BCAS3: variants seen among roughly 807,000 people sequenced by gnomAD.
BCAS3 encodes BCAS4/BCAS3 fusion.
BCAS3 carries 53 observed loss-of-function variants against 116.1 expected under a neutral mutation model. That is an observed-to-expected ratio of 0.46 (90% confidence interval 0.37 to 0.57). The LOEUF (loss-of-function observed/expected upper bound fraction) is 0.57. Among genes scored for constraint, BCAS3 ranks in the 20% least tolerant of loss-of-function variants. The probability of loss-of-function intolerance (pLI) is 0.00; values close to 1 mark genes in which losing one functional copy is unlikely to be tolerated. For missense variants in BCAS3, 917 were observed against 1,165.4 expected (o/e 0.79, Z 3.10); for synonymous variants, 391 against 408.2 (o/e 0.96, Z 0.51).
Position 61,080,662 on chromosome 17 carries a change from C to T in BCAS3, c.2327+2133C>T, listed in dbSNP as rs950626550. Among the ~76,000 whole-genome samples, 10 of 151,960 alleles carry T rather than the reference C, an allele frequency of 6.6e-5. 1 individual carries two copies. Among genetic ancestry groups the T allele is most frequent in the Admixed American group, 1.3e-4 (2 of 15,250 alleles). On this transcript the variant is annotated intron_variant, in intron 21 of 23. Coordinates refer to ENST00000407086, the MANE Select transcript of BCAS3 (RefSeq NM_017679.5). ...GTGATCCCAGCTACTCGGGAGGCTG[C>T]GGCAGGAGAATTGCTTGAACACAGG...
chr17:61,216,516 G>GTTTATTTTATTTTAT (rs3032587), intron 22 of BCAS3, among the ~76,000 whole-genome samples: 3,246 of 145,394 alleles, frequency 0.022, 47 homozygotes, highest in Middle Eastern at 0.076. Context: ...ATAAGTATGT[G>GTTTATTTTATTTTAT]TTTATTTTAT....
chr17:61,236,380 T>C (rs1235145314), intron 22 of BCAS3, among the ~76,000 whole-genome samples: 2 of 152,174 alleles, frequency 1.3e-5, no homozygotes, highest in Non-Finnish European at 2.9e-5. Flanking sequence ...AGTGCAGCGG[T>C]GTGATCTCAG....
intron 3 of BCAS3, among the ~76,000 whole-genome samples, chr17:60,687,216 AAG>A (rs1236860650): frequency 6.6e-6 from 1 of 152,198 alleles, no homozygotes; most frequent in Non-Finnish European, 1.5e-5. Flanking sequence ...GACTTTAAAT[AAG>A]AGGGCTAAAT....
intron 22 of BCAS3, among the ~76,000 whole-genome samples, chr17:61,297,751 G>A (rs1344698267): frequency 6.6e-6 from 1 of 152,112 alleles, no homozygotes; most frequent in African/African-American, 2.4e-5. Context: ...GAAAAGTACA[G>A]GTGTTCGTGT....
rs530083900 is a variant in BCAS3, at chr17:61,291,001, C to T, written c.2426-77326C>T. Reference sequence around the variant, plus strand: ...TTCACCATGTTAGCCAGGATGATCTCGATCTCCTGACCTCATAATCCACCC... The same window carrying T: ...TTCACCATGTTAGCCAGGATGATCTTGATCTCCTGACCTCATAATCCACCC... On this transcript the variant is annotated intron_variant, in intron 22 of 23. Transcript: ENST00000407086. 7.9e-5 allele frequency among the ~76,000 whole-genome samples: 12 copies of T among 152,140 alleles called. No homozygotes were observed. In the South Asian group the frequency reaches 1.5e-3, roughly 18 times the overall value.
chr17:60,983,015 T>C (rs2062906750), intron 14 of BCAS3, among the ~76,000 whole-genome samples: 1 of 152,152 alleles, frequency 6.6e-6, no homozygotes, highest in Non-Finnish European at 1.5e-5. Context: ...AAATATTGAC[T>C]AGTGAGTGTC....
At chr17:60,687,847 TA>T (rs2034290194) in intron 3 of BCAS3, among the ~76,000 whole-genome samples, 1 of 151,956 alleles carries the variant, frequency 6.6e-6, no homozygotes. Context: ...AAATTCTGAG[TA>T]AAAAACACCA....
At chr17:61,252,503 A>G (rs1324826471) in intron 22 of BCAS3, among the ~76,000 whole-genome samples, 4 of 151,718 alleles carry the variant, frequency 2.6e-5, no homozygotes, top group Non-Finnish European at 5.9e-5. Context: ...CACATAACCC[A>G]GGGCTCCAGA....
Position 61,309,703 on chromosome 17 carries a change from G to A in BCAS3, c.2426-58624G>A, listed in dbSNP as rs186950427. 1.3e-5 allele frequency among the ~76,000 whole-genome samples: 2 copies of A among 152,306 alleles called. No homozygotes were observed. The highest frequency in any genetic ancestry group is 3.9e-4 in the East Asian group (2 of 5,180). On this transcript the variant is annotated intron_variant, in intron 22 of 23. Coordinates refer to ENST00000407086, the MANE Select transcript of BCAS3 (RefSeq NM_017679.5). This position sits in a 1 kb window ranked among gnomAD's most constrained non-coding sequence, Gnocchi z 4.6. ...GAGCAAAGCCTGGAACTGGAGAGAT[G>A]ACCCAGGGTCTTTGGGATTGCGGAA... is the stretch of plus-strand genomic sequence containing the variant.
chr17:61,338,327 A>C (rs188080073), intron 22 of BCAS3, among the ~76,000 whole-genome samples: 334 of 152,348 alleles, frequency 2.2e-3, no homozygotes, highest in African/African-American at 7.5e-3. Flanking sequence ...TACTATAATA[A>C]GCAAATTCAG....
intron 7 of BCAS3, among the ~76,000 whole-genome samples, chr17:60,824,611 A>G (rs1294791357): frequency 6.6e-6 from 1 of 152,220 alleles, no homozygotes; most frequent in Non-Finnish European, 1.5e-5. Flanking sequence ...TTCTGTCACC[A>G]ATAGATCCAT....
intron 19 of BCAS3, among the ~76,000 whole-genome samples, chr17:61,049,423 T>C (rs1441684737): frequency 6.6e-6 from 1 of 151,622 alleles, no homozygotes; most frequent in East Asian, 1.9e-4. Context: ...TTAAAAAGAG[T>C]ATCACTGAAC....
chr17:61,209,789 C>T (rs2081348580), intron 22 of BCAS3, among the ~76,000 whole-genome samples: 1 of 152,122 alleles, frequency 6.6e-6, no homozygotes, highest in African/African-American at 2.4e-5. Flanking sequence ...CATTTCCTGC[C>T]AGCATTTTAA....
chr17:61,321,582 G>T (rs556976559), intron 22 of BCAS3, among the ~76,000 whole-genome samples: 1 of 152,202 alleles, frequency 6.6e-6, no homozygotes, highest in Non-Finnish European at 1.5e-5. Flanking sequence ...CCTGCAGGCC[G>T]CCAGGCTGCT....
intron 7 of BCAS3, among the ~76,000 whole-genome samples, chr17:60,822,400 T>C (rs911902429): frequency 1.3e-5 from 2 of 152,204 alleles, no homozygotes; most frequent in Non-Finnish European, 2.9e-5. Flanking sequence ...CTCCCTGTTA[T>C]TTGGCCATTT....
chr17:60,996,769 C>A (rs1191441789), intron 15 of BCAS3, among the ~76,000 whole-genome samples: 4 of 152,082 alleles, frequency 2.6e-5, no homozygotes, highest in African/African-American at 9.7e-5. Flanking sequence ...CAGGACTGAG[C>A]CCTGGGGCCC....
At position 61,227,148 on chromosome 17, in the gene BCAS3, A is replaced by G. The variant is rs2082411943; in HGVS notation, c.2426-141179A>G. On this transcript the variant is annotated intron_variant, in intron 22 of 23. Transcript: ENST00000407086. The surrounding 1 kb of genome is among the most constrained non-coding windows in gnomAD (Gnocchi z 6.1). Reference sequence around the variant, plus strand: ...GCCAGAATGAACTGATTTTGGCTAGAGCCTTTTCTTGTCTAGGAATGGAGG... The same window carrying G: ...GCCAGAATGAACTGATTTTGGCTAGGGCCTTTTCTTGTCTAGGAATGGAGG... 6.6e-6 allele frequency among the ~76,000 whole-genome samples: 1 copy of G among 152,180 alleles called. No homozygotes were observed. The highest frequency in any genetic ancestry group is 6.5e-5 in the Admixed American group (1 of 15,270).
intron 4 of BCAS3, among the ~76,000 whole-genome samples, chr17:60,706,595 C>A (rs1020867007): frequency 1.3e-5 from 2 of 151,884 alleles, no homozygotes; most frequent in African/African-American, 2.4e-5. Context: ...AAGGCCGAGG[C>A]GGATGGATCT....
chr17:60,943,767 C>G (rs1029021068), intron 13 of BCAS3, among the ~76,000 whole-genome samples: 1 of 151,974 alleles, frequency 6.6e-6, no homozygotes, highest in African/African-American at 2.4e-5. Flanking sequence ...AGCCATAAAA[C>G]AAACTTTAAC....
Sources: allele counts gnomAD v4.1 joint callset (sites outside exome capture counted in the v4.1 genomes callset), GRCh38; gene constraint gnomAD v4.1.1; non-coding constraint Gnocchi (gnomAD v3.1); transcripts MANE v1.5; gene names NCBI Gene and HGNC (gene_info 2026-07-23, HGNC 2026-07-21).